Variants in LAMA1 observed in about 807,000 individuals in gnomAD.
The protein encoded by LAMA1 is laminin subunit alpha-1.
A neutral mutation model predicts 348.7 loss-of-function variants in LAMA1; 219 were observed. The ratio of observed to expected loss-of-function variants is 0.63; its 90% CI spans 0.56 to 0.70. The LOEUF is 0.70. Ranked by LOEUF, LAMA1 falls within the 30% of genes least tolerant of loss-of-function variation. LAMA1 has a pLI of 0.00. For synonymous variants in LAMA1, 1,487 were observed against 1,491.0 expected (o/e 1.00, Z 0.06); for missense variants, 3,744 against 3,888.0 (o/e 0.96, Z 0.99).
At chr18:7,058,731 T>A (rs867384700) in intron 3 of LAMA1, among the ~76,000 whole-genome samples, 45 of 152,194 alleles carry the variant, frequency 3.0e-4, no homozygotes, top group African/African-American at 1.0e-3. Flanking sequence ...CCTCCAGAAC[T>A]GTGAGGACAT....
intron 34 of LAMA1, among the ~76,000 whole-genome samples, chr18:6,994,073 C>T (rs559695332): frequency 1.3e-5 from 2 of 152,314 alleles, no homozygotes; most frequent in East Asian, 3.9e-4. Flanking sequence ...CACTTTAAAA[C>T]CCAAATATAC....
rs141125918 is a variant in LAMA1, at chr18:7,040,637, C to T, written c.1262-401G>A. On this transcript the variant is annotated intron_variant, in intron 9 of 62. Coordinates refer to ENST00000389658, the MANE Select transcript of LAMA1 (RefSeq NM_005559.4). ...TAAGTTATAGAGTTGCCATAAGATC[C>T]AGCAACTGCACTCCTAAGTAAACAC... Among the ~76,000 whole-genome samples the T allele has an allele frequency of 1.2e-4, 18 of 152,298 alleles. No individual in the cohort carries two copies. The East Asian group carries it at 3.5e-3, about 29-fold the overall frequency.
chr18:7,011,265 G>T (rs772923309), intron 25 of LAMA1, 35 bp downstream of exon 25: 3 of 1,604,628 alleles, frequency 1.9e-6, no homozygotes, highest in Non-Finnish European at 2.6e-6. Context: ...ATCCTAGGAA[G>T]CACCGACTGG....
At chr18:7,058,740 A>G (rs2143742334) in intron 3 of LAMA1, among the ~76,000 whole-genome samples, 1 of 152,338 alleles carries the variant, frequency 6.6e-6, no homozygotes, top group Non-Finnish European at 1.5e-5. Context: ...CTGTGAGGAC[A>G]TTAATGTCTC....
At chr18:6,990,548 T>A (rs1219948899) in intron 36 of LAMA1, among the ~76,000 whole-genome samples, 2 of 152,174 alleles carry the variant, frequency 1.3e-5, no homozygotes, top group Non-Finnish European at 2.9e-5. Flanking sequence ...AGAGCACAGC[T>A]GAAGCCTCAG....
intron 27 of LAMA1, among the ~76,000 whole-genome samples, chr18:7,009,021 G>A (rs981383739): frequency 6.6e-6 from 1 of 152,170 alleles, no homozygotes; most frequent in Non-Finnish European, 1.5e-5. Flanking sequence ...CCAACATTAT[G>A]TCCTTATATT....
At position 7,009,179 on chromosome 18, in the gene LAMA1, T is replaced by G. The variant is rs142306266; in HGVS notation, c.4001+60A>C. The G allele has an allele frequency of 3.4e-4, 540 of 1,600,614 alleles. 4 individuals carry two copies. The East Asian group carries it at 0.012, about 35-fold the overall frequency. ...GGTAATGGAAGTGAAGTGAGTCAAA[T>G]TCTTTCAGTTTGCTTTCAAATATGA... is the stretch of plus-strand genomic sequence containing the variant. On this transcript the variant is annotated intron_variant, in intron 27 of 62. Transcript: ENST00000389658.
rs1390805697 is a variant in LAMA1 at position 7,011,327 on chromosome 18, C to T, written c.3660G>A (p.Arg1220=). 3 of 1,611,788 alleles carry T rather than the reference C, an allele frequency of 1.9e-6. No homozygotes were observed. Among genetic ancestry groups the T allele is most frequent in the African/African-American group, 1.3e-5 (1 of 74,894 alleles). Residue 1220 remains arginine (R), a synonymous_variant, in exon 25 of 63, where the codon CGG becomes CGA. Transcript: ENST00000389658. The part of the protein sequence containing the change: ...QHIRAEPFYW[R]LPQQFQGDQL... The stretch of plus-strand genomic sequence containing the variant: ...GGTCTCCTTGGAACTGCTGCGGCAG[C>T]CGCCAGTAAAACGGCTCTGCACGGA...
At position 6,983,205 on chromosome 18, in the gene LAMA1, A is replaced by G. The variant is rs2057720005; in HGVS notation, c.5690T>C (p.Leu1897Pro). 6.2e-7 allele frequency: 1 copy of G among 1,614,168 alleles called. No individual in the cohort carries two copies. Residue 1897 changes from leucine (L) to proline (P), a missense_variant, in exon 40 of 63, where the codon CTG becomes CCG. Coordinates refer to ENST00000389658, the MANE Select transcript of LAMA1 (RefSeq NM_005559.4). ...SGLENIRNVS[L>P]NATSAAYVHY... is the part of the protein sequence containing the mutation. ...GACATAGGCTGCACTGGTGGCATTC[A>G]GGGACACATTTCTGATGTTTTCAAG...
In LAMA1 at chr18:6,972,937, C is replaced by T. The variant is rs1487252788; in HGVS notation, c.6774+120G>A. 7 of 1,058,914 alleles carry T rather than the reference C, an allele frequency of 6.6e-6. No homozygotes were observed. In the African/African-American group the frequency reaches 7.8e-5, roughly 12 times the overall value. The allele number at this position is 1,058,914 out of a possible 1,614,324, so 65.6% of individuals were successfully genotyped here. On this transcript the variant is annotated intron_variant, in intron 47 of 62. Transcript: ENST00000389658. The stretch of plus-strand genomic sequence containing the variant: ...AACTCCGGACCTCAGGTGATCTGCC[C>T]ACCTTGGCCTCCCAAAGTTCTGGGA...
chr18:7,075,753 C>G (rs2058165264), intron 3 of LAMA1, among the ~76,000 whole-genome samples: 1 of 152,046 alleles, frequency 6.6e-6, no homozygotes, highest in Non-Finnish European at 1.5e-5. Flanking sequence ...GCCTGGGCAA[C>G]ATGATGAAAC....
At chr18:7,095,122 T>TTCTCTCTCTCTCTCTCTCTC (rs71165720) in intron 1 of LAMA1, among the ~76,000 whole-genome samples, 2 of 126,528 alleles carry the variant, frequency 1.6e-5, no homozygotes, top group African/African-American at 6.2e-5. Flanking sequence ...CTCAGGACCT[T>TTCTCTCTCTCTCTCTCTCTC]TCTCTCTCTC....
intron 12 of LAMA1, among the ~76,000 whole-genome samples, chr18:7,036,346 C>T (rs2057994742): frequency 6.6e-6 from 1 of 152,208 alleles, no homozygotes; most frequent in Non-Finnish European, 1.5e-5. Context: ...TTAGAGACCA[C>T]AAGGCAAATT....
intron 57 of LAMA1, among the ~76,000 whole-genome samples, chr18:6,953,143 C>A (rs1376801899): frequency 6.7e-6 from 1 of 148,466 alleles, no homozygotes; most frequent in Non-Finnish European, 1.5e-5. Context: ...AGCGGATCCA[C>A]GCCATGGGAG....
chr18:6,943,551 A>G, intron 61 of LAMA1, 149 bp from the exon 62 acceptor site: 1 of 734,942 alleles, frequency 1.4e-6, no homozygotes, highest in Non-Finnish European at 2.4e-6. Flanking sequence ...GTAACCTTTT[A>G]AAGGATTCAG....
At chr18:6,966,010 C>T in intron 49 of LAMA1, 137 bp downstream of exon 49, 6 of 859,710 alleles carry the variant, frequency 7.0e-6, no homozygotes, top group Non-Finnish European at 9.2e-6. Flanking sequence ...TATATTAATA[C>T]TAGCATATGC....
rs1254361312 is a variant in LAMA1, at chr18:7,013,844, C to T, written c.3334G>A (p.Val1112Met). 6.2e-7 allele frequency: 1 copy of T among 1,611,664 alleles called. No homozygotes were observed. Among genetic ancestry groups the T allele is most frequent in the Non-Finnish European group, 8.5e-7 (1 of 1,178,812 alleles). ...CNLEQGLCGC[V>M]EETGACPCKE... The stretch of plus-strand genomic sequence containing the variant: ...CAAGGGCAGGCCCCGGTTTCCTCCA[C>T]ACAGCCGCAGAGACCCTGCTCCAGG... Residue 1112 changes from valine (V) to methionine (M), a missense_variant, in exon 23 of 63, where the codon GTG (valine) becomes ATG (methionine). Transcript: ENST00000389658.
Position 6,986,151 on chromosome 18 carries a change from G to C in LAMA1, c.5365C>G (p.Leu1789Val). 6.2e-7 allele frequency: 1 copy of C among 1,614,204 alleles called. No individual in the cohort carries two copies. Among genetic ancestry groups the C allele is most frequent in the East Asian group, 2.2e-5 (1 of 44,878 alleles). ...GTGAGACTCACACTGAATTCTCTCA[G>C]ATTAGCATTGACCATGAGCAGCAGG... ...NHLLLMVNAN[L>V]REFSDKKLHV... Residue 1789 changes from leucine to valine, a missense_variant, in exon 37 of 63, where the codon CTG (leucine) becomes GTG (valine). This residue lies in a region of LAMA1 where 1,983 missense variants were observed against 1,934.3 expected (regional missense o/e 1.03). Transcript: ENST00000389658.
chr18:6,963,789 T>G (rs771293386), intron 51 of LAMA1: 1 of 152,186 alleles, frequency 6.6e-6, no homozygotes, highest in Non-Finnish European at 1.5e-5. Context: ...AGAGTTTAAT[T>G]ACAACCAAAA....
Sources: allele counts gnomAD v4.1 joint callset (sites outside exome capture counted in the v4.1 genomes callset), GRCh38; gene constraint gnomAD v4.1.1; regional missense constraint gnomAD v4.1.1; transcripts MANE v1.5; gene names NCBI Gene and HGNC (gene_info 2026-07-23, HGNC 2026-07-21).